The following DYRK1A variants were observed in gnomAD, a reference collection of about 807,000 sequenced individuals.
DYRK1A encodes dual specificity tyrosine phosphorylation regulated kinase 1A.
A neutral mutation model predicts 79.7 loss-of-function variants in DYRK1A; 9 were observed. The observed-to-expected ratio is 0.11, with a 90% CI of 0.07 to 0.20. The LOEUF (loss-of-function observed/expected upper bound fraction) is 0.20. Among genes scored for constraint, DYRK1A ranks in the 10% least tolerant of loss-of-function variants. The probability of loss-of-function intolerance (pLI) is 1.00; values close to 1 mark genes in which losing one functional copy is unlikely to be tolerated. For missense variants in DYRK1A, 622 were observed against 956.0 expected (o/e 0.65, Z 4.61); for synonymous variants, 349 against 329.7 (o/e 1.06, Z -0.63).
At chr21:37,511,145 A>T (rs953158173) in intron 11 of DYRK1A, among the ~76,000 whole-genome samples, 3 of 152,146 alleles carry the variant, frequency 2.0e-5, no homozygotes, top group Non-Finnish European at 2.9e-5. Context: ...TTTGTTTGGA[A>T]CTCAGGTAGC....
chr21:37,403,031 C>A lies in DYRK1A; in HGVS notation c.-76-17268C>A, dbSNP rs2050081180. Among the ~76,000 whole-genome samples the A allele has an allele frequency of 1.3e-5, 2 of 152,108 alleles. 1 individual carries two copies. The highest frequency in any genetic ancestry group is 4.1e-4 in the South Asian group (2 of 4,828). On this transcript the variant is annotated intron_variant, in intron 1 of 11. Coordinates refer to ENST00000647188, the MANE Select transcript of DYRK1A (RefSeq NM_001347721.2). ...TGCCCCCCCTCAGCCTCCCAAAGTG[C>A]TGGGATTACAAGCGTGAGCCACTGT...
intron 11 of DYRK1A, among the ~76,000 whole-genome samples, chr21:37,509,279 A>C (rs1018052907): frequency 2.6e-5 from 4 of 152,216 alleles, no homozygotes; most frequent in Non-Finnish European, 5.9e-5. Flanking sequence ...ATACCAGGCA[A>C]ACGCTTTCAG....
chr21:37,395,518 T>C (rs2049944803), intron 1 of DYRK1A, among the ~76,000 whole-genome samples: 1 of 152,176 alleles, frequency 6.6e-6, no homozygotes, highest in Non-Finnish European at 1.5e-5. Context: ...ACCTTATTCC[T>C]TAATGTTTAA....
intron 2 of DYRK1A, among the ~76,000 whole-genome samples, chr21:37,457,301 C>T (rs1035001769): frequency 2.6e-5 from 4 of 152,060 alleles, no homozygotes; most frequent in Admixed American, 1.3e-4. Context: ...GGCACGGACT[C>T]GGCTCACTGC....
chr21:37,371,265 C>T (rs983826307), intron 1 of DYRK1A, among the ~76,000 whole-genome samples: 2 of 152,232 alleles, frequency 1.3e-5, no homozygotes, highest in South Asian at 2.1e-4. Context: ...ATTGAAGGTT[C>T]GTTCATATTG....
intron 6 of DYRK1A, among the ~76,000 whole-genome samples, chr21:37,489,106 A>G (rs2052983001): frequency 6.6e-6 from 1 of 152,198 alleles, no homozygotes; most frequent in African/African-American, 2.4e-5. Context: ...CAGGCAGCCC[A>G]GGACTATTCC....
chr21:37,404,688 T>C (rs1040349186), intron 1 of DYRK1A, among the ~76,000 whole-genome samples: 2 of 152,238 alleles, frequency 1.3e-5, no homozygotes, highest in African/African-American at 4.8e-5. Flanking sequence ...ATCACAGTCT[T>C]GGGCTACCAT....
chr21:37,383,666 T>C lies in DYRK1A; in HGVS notation c.-77+16038T>C, dbSNP rs561533005. On this transcript the variant is annotated intron_variant, in intron 1 of 11. Transcript: ENST00000647188. ...AGTGCCTCTTCTTGGCTGCGATATG[T>C]TTTAGGTGTTAAGGATACAGGAGTG... 2.0e-5 allele frequency among the ~76,000 whole-genome samples: 3 copies of C among 152,330 alleles called. No homozygotes were observed. The South Asian group carries it at 6.2e-4, about 32-fold the overall frequency.
chr21:37,503,779 A>G (rs2053520175), intron 9 of DYRK1A: 1 of 152,170 alleles, frequency 6.6e-6, no homozygotes, highest in African/African-American at 2.4e-5. Flanking sequence ...ATCTATTCAT[A>G]TGTTGTCCAC....
chr21:37,464,361 AT>A, intron 2 of DYRK1A: 1 of 441,284 alleles, frequency 2.3e-6, no homozygotes, highest in African/African-American at 2.1e-5. Flanking sequence ...AAGCTGCTTC[AT>A]TTTTCTTTTA....
chr21:37,366,849 A>T lies in DYRK1A; in HGVS notation c.-856A>T, dbSNP rs1360505206. 6.6e-6 allele frequency: 1 copy of T among 152,020 alleles called. No homozygotes were observed. The highest frequency in any genetic ancestry group is 6.5e-5 in the Admixed American group (1 of 15,270). 9.4% of individuals were successfully genotyped at this position (152,020 alleles called of 1,614,324 possible). A position where few individuals can be genotyped will look rare whatever the true frequency, so the allele number is the denominator to read the frequency against. On this transcript the variant is annotated 5_prime_UTR_variant, in exon 1 of 12. Transcript: ENST00000647188. ...TCGCTTCCCGCCCGAATAATAATAA[A>T]AAGCCCCATTGGAGTGAGGCGGGGG...
At chr21:37,447,683 C>A (rs181163602) in intron 2 of DYRK1A, among the ~76,000 whole-genome samples, 236 of 152,250 alleles carry the variant, frequency 1.6e-3, no homozygotes, top group African/African-American at 5.5e-3. Context: ...ATACTCACGG[C>A]CATGGTGCAG....
intron 9 of DYRK1A, 32 bp from the exon 10 acceptor site, chr21:37,505,251 T>A: frequency 6.5e-7 from 1 of 1,542,992 alleles, no homozygotes; most frequent in Middle Eastern, 1.7e-4. Flanking sequence ...TCCACCAAAT[T>A]TAGAGAAAGC....
intron 2 of DYRK1A, among the ~76,000 whole-genome samples, chr21:37,471,593 T>C (rs1183113169): frequency 6.6e-6 from 1 of 152,206 alleles, no homozygotes; most frequent in Non-Finnish European, 1.5e-5. Flanking sequence ...AACAACCTTT[T>C]CAGGTAGGTA....
chr21:37,382,217 T>TA (rs2049671501), intron 1 of DYRK1A, among the ~76,000 whole-genome samples: 1 of 151,514 alleles, frequency 6.6e-6, no homozygotes, highest in African/African-American at 2.4e-5. Flanking sequence ...CTTTTTTTTT[T>TA]TAAAAAAAAA....
At chr21:37,506,031 A>G in intron 10 of DYRK1A, 68 bp from the exon 11 acceptor site, 9 of 1,529,772 alleles carry the variant, frequency 5.9e-6, no homozygotes, top group Non-Finnish European at 7.9e-6. Flanking sequence ...GTATAGCTTC[A>G]GAGTATAAAT....
At position 37,366,875 on chromosome 21, in the gene DYRK1A, T is replaced by TGGC. The variant is rs2049316509; in HGVS notation, c.-823_-821dup. The TGGC allele has an allele frequency of 6.6e-6, 1 of 151,902 alleles. No homozygotes were observed. Among genetic ancestry groups the TGGC allele is most frequent in the Non-Finnish European group, 1.5e-5 (1 of 68,220 alleles). 9.4% of individuals were successfully genotyped at this position (151,902 alleles called of 1,614,324 possible). A position where few individuals can be genotyped will look rare whatever the true frequency, so the allele number is the denominator to read the frequency against. On this transcript the variant is annotated 5_prime_UTR_variant, in exon 1 of 12. Coordinates refer to ENST00000647188, the MANE Select transcript of DYRK1A (RefSeq NM_001347721.2). ...AAGCCCCATTGGAGTGAGGCGGGGG[T>TGGC]GGCGGCGGCAACCGCGGCGGGGGTA...
At chr21:37,432,755 T>C (rs903541556) in intron 2 of DYRK1A, among the ~76,000 whole-genome samples, 1 of 151,604 alleles carries the variant, frequency 6.6e-6, no homozygotes, top group African/African-American at 2.4e-5. Flanking sequence ...TAACTGCAGA[T>C]AAAAAAAAGT....
chr21:37,465,586 TA>T (rs2051998165), intron 2 of DYRK1A, among the ~76,000 whole-genome samples: 2 of 152,218 alleles, frequency 1.3e-5, no homozygotes, highest in South Asian at 4.1e-4. Flanking sequence ...CCTGTAATCC[TA>T]GCACTTTGGG....
Sources: allele counts gnomAD v4.1 joint callset (sites outside exome capture counted in the v4.1 genomes callset), GRCh38; gene constraint gnomAD v4.1.1; transcripts MANE v1.5; gene names NCBI Gene and HGNC (gene_info 2026-07-23, HGNC 2026-07-21).